PCDHA8: variants seen among roughly 807,000 people sequenced by gnomAD.
The protein encoded by PCDHA8 is protocadherin alpha-8.
In PCDHA8, 53 loss-of-function variants were observed where a neutral mutation model predicts 61.8. The ratio of observed to expected loss-of-function variants is 0.86; its 90% CI spans 0.69 to 1.08. The LOEUF is 1.08. Ranked by LOEUF, PCDHA8 falls within the 50% of genes least tolerant of loss-of-function variation. The probability of loss-of-function intolerance (pLI) is 0.00; values close to 1 mark genes in which losing one functional copy is unlikely to be tolerated. For synonymous variants in PCDHA8, 618 were observed against 556.6 expected (o/e 1.11, Z -1.55); for missense variants, 1,293 against 1,245.0 (o/e 1.04, Z -0.58).
intron 1 of PCDHA8, among the ~76,000 whole-genome samples, chr5:140,921,583 TA>T (rs2080282425): frequency 6.6e-6 from 1 of 152,200 alleles, no homozygotes; most frequent in South Asian, 2.1e-4. Flanking sequence ...GCTCATACTA[TA>T]TTATGGTTTC....
chr5:140,856,900 C>A, intron 1 of PCDHA8: 1 of 1,596,130 alleles, frequency 6.3e-7, no homozygotes, highest in Non-Finnish European at 8.6e-7. Flanking sequence ...GCTCTTTGGT[C>A]CCACCCACGA....
At chr5:140,884,143 G>C (rs782116778) in intron 1 of PCDHA8, 1 of 1,613,438 alleles carries the variant, frequency 6.2e-7, no homozygotes. Context: ...TCCGCGTGGG[G>C]CTGTACACTG....
At chr5:140,860,219 A>C (rs2046275185) in intron 1 of PCDHA8, 1 of 151,166 alleles carries the variant, frequency 6.6e-6, no homozygotes, top group South Asian at 2.1e-4. Flanking sequence ...GTACTTATGT[A>C]TATATAAGCC....
At position 141,011,014 on chromosome 5, in the gene PCDHA8, C is replaced by T. The variant is rs2098419102; in HGVS notation, c.*1077C>T. On this transcript the variant is annotated 3_prime_UTR_variant, in exon 4 of 4. Coordinates refer to ENST00000531613, the MANE Select transcript of PCDHA8 (RefSeq NM_018911.3). ...CATCTGTATTATATCGGCCACCTGC[C>T]AATCACAGCTTTACTCTTTCAGGTC... 6.5e-6 allele frequency: 1 copy of T among 153,758 alleles called. No individual in the cohort carries two copies. Among genetic ancestry groups the T allele is most frequent in the Admixed American group, 6.5e-5 (1 of 15,286 alleles). 9.5% of individuals were successfully genotyped at this position (153,758 alleles called of 1,614,324 possible).
At chr5:141,007,095 G>A (rs1405401392) in intron 3 of PCDHA8, among the ~76,000 whole-genome samples, 2 of 152,208 alleles carry the variant, frequency 1.3e-5, no homozygotes, top group East Asian at 1.9e-4. Context: ...AGAGAGTCTA[G>A]GGCCAAACCC....
intron 1 of PCDHA8, among the ~76,000 whole-genome samples, chr5:140,961,995 TG>T (rs2095649493): frequency 1.3e-5 from 2 of 152,062 alleles, no homozygotes; most frequent in African/African-American, 4.8e-5. Flanking sequence ...GCCATTGTCC[TG>T]CCTCAGCTTC....
chr5:140,862,862 C>T (rs782494104), intron 1 of PCDHA8: 1 of 507,446 alleles, frequency 2.0e-6, no homozygotes, highest in African/African-American at 3.1e-5. Flanking sequence ...AGCAATGTGA[C>T]GCTGCCAGGT....
Position 141,000,418 on chromosome 5 carries a change from TA to T in PCDHA8, c.2543-9208del, listed in dbSNP as rs1328416600. 5.1e-3 allele frequency among the ~76,000 whole-genome samples: 429 copies of T among 83,548 alleles called. 3 individuals carry two copies. The highest frequency in any genetic ancestry group is 6.3e-3 in the Non-Finnish European group (284 of 45,190). 54.8% of individuals were successfully genotyped at this position (83,548 alleles called of 152,430 possible). A position where few individuals can be genotyped will look rare whatever the true frequency, so the allele number is the denominator to read the frequency against. ...CTCTATATATATATATATATATATA[TA>T]TATTTTTTTTTTTTTTTTTTTTTTT... On this transcript the variant is annotated intron_variant, in intron 3 of 3. Transcript: ENST00000531613.
chr5:140,914,115 G>A (rs1287523867), intron 1 of PCDHA8, among the ~76,000 whole-genome samples: 1 of 152,168 alleles, frequency 6.6e-6, no homozygotes, highest in Non-Finnish European at 1.5e-5. Flanking sequence ...GATTAAGTCT[G>A]ATGTTTCTTT....
At chr5:140,858,422 G>C in intron 1 of PCDHA8, 3 of 1,554,774 alleles carry the variant, frequency 1.9e-6, no homozygotes, top group Non-Finnish European at 2.6e-6. Flanking sequence ...TATTGGAGGG[G>C]ACCACTCTAG....
chr5:140,846,375 T>TC lies in PCDHA8; in HGVS notation c.2394+2660_2394+2661insC, dbSNP rs1272448180. Among the ~76,000 whole-genome samples, 317 of 125,476 alleles carry TC rather than the reference T, an allele frequency of 2.5e-3. 15 individuals carry two copies. The highest frequency in any genetic ancestry group is 0.01 in the African/African-American group (304 of 29,966). The allele number at this position is 125,476 out of a possible 152,430, so 82.3% of individuals were successfully genotyped here. A position where few individuals can be genotyped will look rare whatever the true frequency, so the allele number is the denominator to read the frequency against. On this transcript the variant is annotated intron_variant, in intron 1 of 3. Transcript: ENST00000531613. ...TTTTTCTTTTCTTTTCTTTCTTTCT[T>TC]TTTTTTTTTTTTTTTTTGAGACGGA...
At chr5:140,895,339 T>C (rs1331642230) in intron 1 of PCDHA8, among the ~76,000 whole-genome samples, 3 of 152,196 alleles carry the variant, frequency 2.0e-5, no homozygotes, top group African/African-American at 4.8e-5. Context: ...ATTGTTTTAC[T>C]ATGCTTTCCA....
In PCDHA8 at chr5:140,915,626, GTCTCTCTC is replaced by G. The variant is rs57920489; in HGVS notation, c.2395-63300_2395-63293del. ...ACTTTCTGTCAAACAGTCTCTTTCT[GTCTCTCTC>G]TCTCTCTCTCTCTCTCTCTCTCAAG... is the stretch of plus-strand genomic sequence containing the variant. On this transcript the variant is annotated intron_variant, in intron 1 of 3. Transcript: ENST00000531613. Among the ~76,000 whole-genome samples, 662 of 146,534 alleles carry G rather than the reference GTCTCTCTC, an allele frequency of 4.5e-3. 3 individuals are homozygous for G. The highest frequency in any genetic ancestry group is 0.016 in the African/African-American group (641 of 39,750).
chr5:140,849,319 G>A, intron 1 of PCDHA8: 1 of 1,331,850 alleles, frequency 7.5e-7, no homozygotes, highest in Non-Finnish European at 1.0e-6. Flanking sequence ...GGCTTGAATG[G>A]GGATATTATT....
chr5:140,871,066 G>A (rs1554165067), intron 1 of PCDHA8: 4 of 1,613,276 alleles, frequency 2.5e-6, no homozygotes, highest in South Asian at 2.2e-5. Flanking sequence ...GGATCACGGT[G>A]AGCCGGCGCT....
At chr5:140,966,756 G>A (rs1476318654) in intron 1 of PCDHA8, 9 of 1,437,232 alleles carry the variant, frequency 6.3e-6, no homozygotes, top group Non-Finnish European at 8.2e-6. Flanking sequence ...CCTCCGCCGC[G>A]GCCAGTGGCT....
chr5:140,954,487 A>T (rs1585567544), intron 1 of PCDHA8, among the ~76,000 whole-genome samples: 1 of 152,120 alleles, frequency 6.6e-6, no homozygotes, highest in African/African-American at 2.4e-5. Flanking sequence ...AAGATATTTC[A>T]TTGTGGTTTT....
chr5:140,847,349 A>T (rs1213665115), intron 1 of PCDHA8: 5 of 149,876 alleles, frequency 3.3e-5, no homozygotes, highest in Admixed American at 6.7e-5. Flanking sequence ...TTAGGCTGTT[A>T]TCAGTAGAAA....
intron 1 of PCDHA8, chr5:140,877,800 T>C (rs2057344527): frequency 6.2e-7 from 1 of 1,613,404 alleles, no homozygotes; most frequent in Non-Finnish European, 8.5e-7. Context: ...GCCCAAGCCT[T>C]CAGCTGTCTC....
Sources: gnomAD v4.1 joint callset for allele counts (sites outside exome capture counted in the v4.1 genomes callset) on GRCh38, gnomAD v4.1.1 for gene constraint, MANE v1.5 for transcripts, NCBI Gene and HGNC (gene_info 2026-07-23, HGNC 2026-07-21) for gene names.